The following RAB3B variants were observed in gnomAD, a reference collection of about 807,000 sequenced individuals.
RAB3B encodes ras-related protein Rab-3B.
A neutral mutation model predicts 20.5 loss-of-function variants in RAB3B; 11 were observed. The ratio of observed to expected loss-of-function variants is 0.54; its 90% CI spans 0.34 to 0.89. The LOEUF (loss-of-function observed/expected upper bound fraction) is 0.89, where lower values mean the gene tolerates loss of function less well. Ranked by LOEUF, RAB3B falls within the 40% of genes least tolerant of loss-of-function variation. RAB3B has a pLI of 0.02. For missense variants in RAB3B, 225 were observed against 280.9 expected (o/e 0.80, Z 1.42); for synonymous variants, 99 against 106.3 (o/e 0.93, Z 0.42).
chr1:51,973,017 C>T (rs1041068984), intron 2 of RAB3B, among the ~76,000 whole-genome samples: 2 of 152,160 alleles, frequency 1.3e-5, no homozygotes, highest in Non-Finnish European at 2.9e-5. Flanking sequence ...GAGTTTGGAT[C>T]CAAAACCCTG....
chr1:51,938,823 G>A (rs965302212), intron 2 of RAB3B, among the ~76,000 whole-genome samples: 1 of 151,660 alleles, frequency 6.6e-6, no homozygotes, highest in African/African-American at 2.4e-5. Flanking sequence ...ACCACACCCG[G>A]CTAATTTTTG....
chr1:51,949,716 A>G (rs1414815243), intron 2 of RAB3B, among the ~76,000 whole-genome samples: 3 of 152,170 alleles, frequency 2.0e-5, no homozygotes, highest in African/African-American at 4.8e-5. Context: ...CAGCAGCCCA[A>G]CAGACAGTGG....
At chr1:51,977,223 A>G (rs1685023147) in intron 1 of RAB3B, 106 bp from the exon 2 acceptor site, 2 of 781,144 alleles carry the variant, frequency 2.6e-6, no homozygotes, top group African/African-American at 1.7e-5. Context: ...TCCTTACTCC[A>G]GCACCACTGA....
intron 2 of RAB3B, among the ~76,000 whole-genome samples, chr1:51,965,028 G>T (rs994672598): frequency 6.6e-6 from 1 of 152,154 alleles, no homozygotes; most frequent in Non-Finnish European, 1.5e-5. Flanking sequence ...AAGACCAGGA[G>T]TTCAAGACCA....
rs532374337 is a variant in RAB3B, at chr1:51,971,701, G to T, written c.228+5189C>A. ...CCCACCTCAGCCTCCCAAAGTGCCG[G>T]ATTACAGGCGTGGGCCACTGCACCC... is the stretch of plus-strand genomic sequence containing the variant. On this transcript the variant is annotated intron_variant, in intron 2 of 4. Coordinates refer to ENST00000371655, the MANE Select transcript of RAB3B (RefSeq NM_002867.4). Among the ~76,000 whole-genome samples, 8 of 152,160 alleles carry T rather than the reference G, an allele frequency of 5.3e-5. No homozygotes were observed. The East Asian group carries it at 1.5e-3, about 29-fold the overall frequency.
chr1:51,966,256 T>C (rs12032067), intron 2 of RAB3B, among the ~76,000 whole-genome samples: 2,207 of 152,326 alleles, frequency 0.014, 76 homozygotes, highest in East Asian at 0.11. Context: ...AAATGTCCCC[T>C]CCTTTGTGAG....
chr1:51,949,964 T>C (rs986190064), intron 2 of RAB3B, among the ~76,000 whole-genome samples: 3 of 152,164 alleles, frequency 2.0e-5, no homozygotes, highest in East Asian at 1.9e-4. Context: ...GAGAATTTTA[T>C]TGAGTGACGA....
Position 51,919,545 on chromosome 1 carries a change from T to C in RAB3B, c.*382A>G, listed in dbSNP as rs1346333774. ...ACAGGATTAGCTATGCAGGCGAGCC[T>C]CACTTTACGCAATTGGCATGCCCCT... On this transcript the variant is annotated 3_prime_UTR_variant, in exon 5 of 5. Transcript: ENST00000371655. 1 of 168,110 alleles carries C rather than the reference T, an allele frequency of 5.9e-6. No homozygotes were observed. Among genetic ancestry groups the C allele is most frequent in the Non-Finnish European group, 1.3e-5 (1 of 78,694 alleles). The allele number at this position is 168,110 out of a possible 1,614,324, so 10.4% of individuals were successfully genotyped here. A position where few individuals can be genotyped will look rare whatever the true frequency, so the allele number is the denominator to read the frequency against.
intron 2 of RAB3B, among the ~76,000 whole-genome samples, chr1:51,967,075 G>A (rs1278995959): frequency 4.6e-5 from 7 of 152,216 alleles, no homozygotes; most frequent in Non-Finnish European, 8.8e-5. Flanking sequence ...CACTTTGGGA[G>A]GCCGAGGCAG....
At chr1:51,968,470 A>G (rs1465555258) in intron 2 of RAB3B, among the ~76,000 whole-genome samples, 1 of 152,218 alleles carries the variant, frequency 6.6e-6, no homozygotes, top group Non-Finnish European at 1.5e-5. Context: ...TCATAATTTC[A>G]GTCTCATTAA....
intron 1 of RAB3B, among the ~76,000 whole-genome samples, chr1:51,984,297 A>T (rs1484255939): frequency 1.1e-3 from 123 of 107,712 alleles, no homozygotes; most frequent in African/African-American, 3.7e-3. Context: ...AAAAAAAAAA[A>T]GCATGAACGA....
chr1:51,947,600 C>T (rs1347398290), intron 2 of RAB3B, among the ~76,000 whole-genome samples: 2 of 152,086 alleles, frequency 1.3e-5, no homozygotes, highest in Non-Finnish European at 2.9e-5. Flanking sequence ...TTGGAAATCA[C>T]CTAGAAAGCT....
intron 1 of RAB3B, among the ~76,000 whole-genome samples, chr1:51,987,973 G>A (rs929239392): frequency 5.9e-5 from 9 of 152,036 alleles, no homozygotes; most frequent in Non-Finnish European, 1.3e-4. Flanking sequence ...AGGTTCCTGG[G>A]CTCAAGCGAT....
intron 2 of RAB3B, among the ~76,000 whole-genome samples, chr1:51,972,313 G>A (rs1400378004): frequency 2.0e-5 from 3 of 152,134 alleles, no homozygotes; most frequent in Non-Finnish European, 4.4e-5. Flanking sequence ...GACAGCAATT[G>A]ATCATCAAAT....
At chr1:51,937,996 C>CTTTTT (rs77664152) in intron 2 of RAB3B, among the ~76,000 whole-genome samples, 1 of 88,728 alleles carries the variant, frequency 1.1e-5, no homozygotes, top group Non-Finnish European at 2.3e-5. Context: ...ATTTTTGTTT[C>CTTTTT]TTTTTTTTTT....
chr1:51,934,386 A>G (rs1029756304), intron 3 of RAB3B, among the ~76,000 whole-genome samples: 1 of 152,164 alleles, frequency 6.6e-6, no homozygotes, highest in Non-Finnish European at 1.5e-5. Context: ...GTGATTCATA[A>G]ACCTTCCCTG....
intron 2 of RAB3B, among the ~76,000 whole-genome samples, chr1:51,965,342 C>T (rs1684835810): frequency 6.6e-6 from 1 of 152,076 alleles, no homozygotes; most frequent in Admixed American, 6.5e-5. Context: ...AATCACTGAA[C>T]TATACTGTTT....
At chr1:51,986,080 G>A (rs1389295467) in intron 1 of RAB3B, among the ~76,000 whole-genome samples, 1 of 151,928 alleles carries the variant, frequency 6.6e-6, no homozygotes, top group Non-Finnish European at 1.5e-5. Context: ...GCCAAAATGG[G>A]AAAATCACTT....
chr1:51,981,741 T>C (rs1325756920), intron 1 of RAB3B, among the ~76,000 whole-genome samples: 1 of 152,240 alleles, frequency 6.6e-6, no homozygotes, highest in Non-Finnish European at 1.5e-5. Flanking sequence ...ATAATGGAGC[T>C]GAAAAATTCC....
Sources: gnomAD v4.1 joint callset for allele counts (sites outside exome capture counted in the v4.1 genomes callset) on GRCh38, gnomAD v4.1.1 for gene constraint, MANE v1.5 for transcripts, NCBI Gene and HGNC (gene_info 2026-07-23, HGNC 2026-07-21) for gene names.